Variants in RACGAP1 observed in about 807,000 individuals in gnomAD.
The protein encoded by RACGAP1 is rac GTPase-activating protein 1.
RACGAP1 carries 30 observed loss-of-function variants against 78.1 expected under a neutral mutation model. That is an observed-to-expected ratio of 0.38 (90% CI 0.29 to 0.52). RACGAP1 has a LOEUF of 0.52. Ranked by LOEUF, RACGAP1 falls within the 20% of genes least tolerant of loss-of-function variation. The pLI is 0.82. For missense variants in RACGAP1, 587 were observed against 777.1 expected, an observed-to-expected ratio of 0.76 and a Z score of 2.91; for synonymous variants, 231 against 264.8, an observed-to-expected ratio of 0.87 and a Z score of 1.24.
At chr12:49,995,066 C>T (rs1258317901) in intron 10 of RACGAP1, among the ~76,000 whole-genome samples, 3 of 152,048 alleles carry the variant, frequency 2.0e-5, no homozygotes, top group Non-Finnish European at 4.4e-5. Context: ...AATGTACAGG[C>T]GGCCAGGTGC....
upstream of RACGAP1, among the ~76,000 whole-genome samples, chr12:50,029,215 C>CAAA (rs1223077511): frequency 2.8e-5 from 2 of 72,672 alleles, no homozygotes; most frequent in Non-Finnish European, 3.0e-5. Flanking sequence ...GACTCCATCT[C>CAAA]AAAAAAAAAA....
chr12:50,013,115 T>C (rs1370173571), intron 2 of RACGAP1, among the ~76,000 whole-genome samples: 1 of 152,042 alleles, frequency 6.6e-6, no homozygotes. Flanking sequence ...ATTAGAGATC[T>C]GGAGAAGGAG....
intron 10 of RACGAP1, among the ~76,000 whole-genome samples, chr12:49,996,047 C>A (rs1365563438): frequency 3.3e-5 from 5 of 152,154 alleles, no homozygotes; most frequent in Non-Finnish European, 1.5e-5. Context: ...TGCCATGGCT[C>A]ACACCTAGAA....
At chr12:49,994,355 T>G in intron 11 of RACGAP1, 26 bp from the exon 12 acceptor site, 1 of 1,612,822 alleles carries the variant, frequency 6.2e-7, no homozygotes, top group Non-Finnish European at 8.5e-7. Context: ...CATTTTTATT[T>G]AAAAACCTCC....
chr12:50,031,632 G>C (rs1419405345), intron 2 of RACGAP1: 2 of 959,010 alleles, frequency 2.1e-6, no homozygotes, highest in African/African-American at 3.5e-5. Context: ...CCTTCCCTGT[G>C]CGCCAGCACT....
chr12:49,996,349 C>T (rs1011711211), intron 10 of RACGAP1, among the ~76,000 whole-genome samples: 2 of 151,298 alleles, frequency 1.3e-5, no homozygotes, highest in African/African-American at 4.9e-5. Context: ...ATGGACATGA[C>T]CAGGCGCGGT....
chr12:50,024,038 A>G (rs774511738), intron 1 of RACGAP1, among the ~76,000 whole-genome samples: 7 of 151,328 alleles, frequency 4.6e-5, no homozygotes, highest in Admixed American at 6.6e-5. Context: ...ACGGGCCCCT[A>G]TAGTCCCAGC....
At chr12:50,019,054 G>T (rs899418468) in intron 1 of RACGAP1, among the ~76,000 whole-genome samples, 4 of 152,032 alleles carry the variant, frequency 2.6e-5, no homozygotes, top group Non-Finnish European at 5.9e-5. Flanking sequence ...TTCCAATTTT[G>T]ATTTCCCTAT....
intron 1 of RACGAP1, chr12:50,021,213 T>C (rs2137686777): frequency 1.4e-6 from 1 of 737,644 alleles, no homozygotes; most frequent in Middle Eastern, 6.9e-4. Flanking sequence ...AGTCATATTG[T>C]AGTACATTGC....
intron 1 of RACGAP1, among the ~76,000 whole-genome samples, chr12:50,017,876 G>T (rs1949764387): frequency 6.6e-6 from 1 of 152,164 alleles, no homozygotes; most frequent in Admixed American, 6.5e-5. Context: ...ATGAACATAG[G>T]CTGGGCACGG....
chr12:49,994,231 A>G lies in RACGAP1; in HGVS notation c.1239T>C (p.Asp413=). 6.2e-7 allele frequency: 1 copy of G among 1,614,142 alleles called. No individual in the cohort carries two copies. The highest frequency in any genetic ancestry group is 1.1e-5 in the South Asian group (1 of 91,078). ...VKTVPLLSKV[D]DIHAICSLLK... Reference sequence around the variant, plus strand: ...GAAGGCTACAGATAGCATGGATATCATCCACTTTGCTGAGGAGGGGTACAG... The same window carrying G: ...GAAGGCTACAGATAGCATGGATATCGTCCACTTTGCTGAGGAGGGGTACAG... The change falls in exon 12 of 17, where the codon GAT becomes GAC. Residue 413 remains aspartate (D), a synonymous_variant. Coordinates refer to ENST00000312377, the MANE Select transcript of RACGAP1 (RefSeq NM_001319999.2).
chr12:50,006,578 G>A lies in RACGAP1; in HGVS notation c.144C>T (p.Asp48=), dbSNP rs150970332. 2.9e-4 allele frequency: 462 copies of A among 1,614,058 alleles called. No homozygotes were observed. Among genetic ancestry groups the A allele is most frequent in the Middle Eastern group, 1.2e-3 (7 of 6,084 alleles). The stretch of plus-strand genomic sequence containing the variant: ...GATCCTTGTATTTCCCCAGCTCATG[G>A]TCAGTCCTCTGCCACTTTTTACGGA... The part of the protein sequence containing the change: ...EDFRKKWQRT[D]HELGKYKDLL... Residue 48 remains aspartate (D), a synonymous_variant, in exon 3 of 17, where the codon GAC becomes GAT. Transcript: ENST00000312377.
upstream of RACGAP1, among the ~76,000 whole-genome samples, chr12:50,026,927 C>T (rs536048765): frequency 7.2e-5 from 11 of 152,120 alleles, no homozygotes; most frequent in Non-Finnish European, 1.3e-4. Flanking sequence ...GATCCTCCCA[C>T]CTGAGCCTCC....
At chr12:50,007,882 T>C (rs896601854) in intron 2 of RACGAP1, among the ~76,000 whole-genome samples, 4 of 150,242 alleles carry the variant, frequency 2.7e-5, no homozygotes, top group African/African-American at 9.8e-5. Flanking sequence ...TGGGTTAGTC[T>C]GGAACATACT....
At chr12:50,027,355 G>T (rs1328981003), upstream of RACGAP1, among the ~76,000 whole-genome samples, 3 of 152,108 alleles carry the variant, frequency 2.0e-5, no homozygotes, top group Non-Finnish European at 4.4e-5. Flanking sequence ...AGTACTTTAG[G>T]AGCACAGACA....
intron 2 of RACGAP1, among the ~76,000 whole-genome samples, chr12:50,031,496 A>T (rs1259690898): frequency 2.0e-5 from 3 of 150,306 alleles, no homozygotes; most frequent in Admixed American, 2.0e-4. Context: ...AAAAAAAAAA[A>T]AAAAGACCAA....
chr12:50,016,587 G>A (rs770517390), intron 2 of RACGAP1, 44 bp downstream of exon 2: 2 of 1,565,096 alleles, frequency 1.3e-6, no homozygotes, highest in Non-Finnish European at 1.8e-6. Context: ...TCCCAAATTT[G>A]AAATCTGTTT....
upstream of RACGAP1, among the ~76,000 whole-genome samples, chr12:50,026,992 G>T (rs1302325398): frequency 6.6e-6 from 1 of 152,056 alleles, no homozygotes; most frequent in Non-Finnish European, 1.5e-5. Context: ...ACAATAGCAG[G>T]CGTTCGGCTG....
Position 49,990,350 on chromosome 12 carries a change from T to C in RACGAP1, c.1824-7A>G. ...CTTGCTTTTGCTCCCAAATCTACAA[T>C]AAAAAGAGAATGAACTGGAAAAATA... is the stretch of plus-strand genomic sequence containing the variant. On this transcript the variant is annotated splice_polypyrimidine_tract_variant and splice_region_variant and intron_variant, in intron 16 of 16. Coordinates refer to ENST00000312377, the MANE Select transcript of RACGAP1 (RefSeq NM_001319999.2). 1 of 1,608,656 alleles carries C rather than the reference T, an allele frequency of 6.2e-7. No individual in the cohort carries two copies. The highest frequency in any genetic ancestry group is 8.5e-7 in the Non-Finnish European group (1 of 1,175,220).
Sources: gnomAD v4.1 joint callset for allele counts (sites outside exome capture counted in the v4.1 genomes callset) on GRCh38, gnomAD v4.1.1 for gene constraint, MANE v1.5 for transcripts, NCBI Gene and HGNC (gene_info 2026-07-23, HGNC 2026-07-21) for gene names.